The following DACH1 variants were observed in gnomAD, a reference collection of about 807,000 sequenced individuals.
The protein encoded by DACH1 is dachshund homolog 1.
Under a neutral mutation model 54.2 loss-of-function variants are expected in DACH1, and 12 were observed. That is an observed-to-expected ratio of 0.22 (90% confidence interval 0.14 to 0.36). DACH1 has a LOEUF of 0.36. DACH1 is among the 10% of genes least tolerant of loss of function. The pLI, the probability that DACH1 is intolerant of heterozygous loss-of-function variation, is 1.00. For missense variants in DACH1, 805 were observed against 929.8 expected (o/e 0.87, Z 1.75); for synonymous variants, 386 against 366.2 (o/e 1.05, Z -0.62).
intron 2 of DACH1, among the ~76,000 whole-genome samples, chr13:71,644,149 C>A (rs2138605205): frequency 6.6e-6 from 1 of 152,232 alleles, no homozygotes; most frequent in Middle Eastern, 3.4e-3. Flanking sequence ...TGCACAAAGT[C>A]AACTGTAGTT....
At chr13:71,554,355 G>C (rs931903674) in intron 6 of DACH1, among the ~76,000 whole-genome samples, 2 of 151,892 alleles carry the variant, frequency 1.3e-5, no homozygotes, top group African/African-American at 2.4e-5. Flanking sequence ...ACATTTCTAG[G>C]GAGAATCTTA....
At position 71,779,282 on chromosome 13, in the gene DACH1, C is replaced by T. The variant is rs1002227487; in HGVS notation, c.848+86640G>A. Among the ~76,000 whole-genome samples the T allele has an allele frequency of 2.2e-4, 20 of 92,314 alleles. 1 individual carries two copies. The highest frequency in any genetic ancestry group is 6.0e-4 in the Admixed American group (6 of 9,970). The allele number at this position is 92,314 out of a possible 152,430, so 60.6% of individuals were successfully genotyped here. A position where few individuals can be genotyped will look rare whatever the true frequency, so the allele number is the denominator to read the frequency against. ...ATATATGTGTATATATACGTATATA[C>T]GTATATATACACATATATATATTTA... On this transcript the variant is annotated intron_variant, in intron 1 of 10. Coordinates refer to ENST00000613252, the MANE Select transcript of DACH1 (RefSeq NM_080759.6).
intron 2 of DACH1, among the ~76,000 whole-genome samples, chr13:71,641,970 TC>T (rs1877938771): frequency 2.0e-5 from 3 of 152,326 alleles, no homozygotes; most frequent in Non-Finnish European, 4.4e-5. Context: ...TATTCACTTC[TC>T]TTTTTGCTGC....
chr13:71,543,368 T>C (rs1883257623), intron 6 of DACH1, among the ~76,000 whole-genome samples: 1 of 152,048 alleles, frequency 6.6e-6, no homozygotes, highest in Admixed American at 6.6e-5. Context: ...AAGGATGATA[T>C]GAACTGAAAA....
chr13:71,866,330 C>A lies in DACH1; in HGVS notation c.440G>T (p.Ser147Ile). 2 of 1,539,092 alleles carry A rather than the reference C, an allele frequency of 1.3e-6. No individual in the cohort carries two copies. The highest frequency in any genetic ancestry group is 1.8e-6 in the Non-Finnish European group (2 of 1,142,356). ...STGSSSSSSS[S>I]SSSSSSSSSS... is the part of the protein sequence containing the mutation. ...GCTACTACTGCTGCTGCTGCTGCTG[C>A]TGCTACTGCTGCTGCTGCTGCTGCC... is the stretch of plus-strand genomic sequence containing the variant. Residue 147 changes from serine (S) to isoleucine (I), a missense_variant, in exon 1 of 11, where the codon AGC becomes ATC. Around this residue, in one of 3 missense-constraint regions of DACH1, gnomAD observed 305 missense variants for 308.7 expected, o/e 0.99. Coordinates refer to ENST00000613252, the MANE Select transcript of DACH1 (RefSeq NM_080759.6).
intron 2 of DACH1, among the ~76,000 whole-genome samples, chr13:71,681,458 G>A (rs1451194622): frequency 6.6e-6 from 1 of 152,162 alleles, no homozygotes; most frequent in African/African-American, 2.4e-5. Flanking sequence ...ACCACTGACA[G>A]CTACAGCTGA....
chr13:71,783,320 A>G (rs1886459977), intron 1 of DACH1, among the ~76,000 whole-genome samples: 1 of 152,168 alleles, frequency 6.6e-6, no homozygotes, highest in African/African-American at 2.4e-5. Flanking sequence ...CTCATTCTGA[A>G]CATAAACTTA....
At chr13:71,545,430 T>G (rs1203629347) in intron 6 of DACH1, among the ~76,000 whole-genome samples, 1 of 151,958 alleles carries the variant, frequency 6.6e-6, no homozygotes, top group Non-Finnish European at 1.5e-5. Context: ...ATAAAAGCAT[T>G]ATATACTTAT....
chr13:71,828,706 T>C (rs1177517504), intron 1 of DACH1, among the ~76,000 whole-genome samples: 1 of 151,926 alleles, frequency 6.6e-6, no homozygotes, highest in Non-Finnish European at 1.5e-5. Flanking sequence ...TTTGTCTTCA[T>C]TACATGGTGC....
chr13:71,853,427 C>T (rs183963217), intron 1 of DACH1, among the ~76,000 whole-genome samples: 2 of 152,236 alleles, frequency 1.3e-5, no homozygotes, highest in East Asian at 3.9e-4. Context: ...TATTAATGTA[C>T]ATTAACCAAT....
intron 2 of DACH1, among the ~76,000 whole-genome samples, chr13:71,663,641 A>G (rs150644121): frequency 6.6e-6 from 1 of 152,088 alleles, no homozygotes; most frequent in African/African-American, 2.4e-5. Flanking sequence ...AAGGTTAATC[A>G]ACCTTACAGG....
intron 6 of DACH1, among the ~76,000 whole-genome samples, chr13:71,538,535 G>A (rs893555221): frequency 2.0e-5 from 3 of 151,980 alleles, no homozygotes; most frequent in East Asian, 1.9e-4. Context: ...TGTGAACTTC[G>A]AAGGGAAACA....
intron 1 of DACH1, among the ~76,000 whole-genome samples, chr13:71,755,286 G>T (rs967769275): frequency 6.6e-6 from 1 of 152,158 alleles, no homozygotes; most frequent in African/African-American, 2.4e-5. Flanking sequence ...GGATATTAAA[G>T]CTGCAATACA....
chr13:71,842,500 C>G (rs994324473), intron 1 of DACH1, among the ~76,000 whole-genome samples: 2 of 152,046 alleles, frequency 1.3e-5, no homozygotes, highest in Non-Finnish European at 2.9e-5. Context: ...ATCACCTGAG[C>G]CCCAGAAGTT....
chr13:71,591,251 T>C (rs1006840982), intron 3 of DACH1, among the ~76,000 whole-genome samples: 1 of 152,044 alleles, frequency 6.6e-6, no homozygotes, highest in Non-Finnish European at 1.5e-5. Context: ...TAAGCAATTT[T>C]AAAGAAAACT....
At chr13:71,784,164 C>T (rs183022435) in intron 1 of DACH1, among the ~76,000 whole-genome samples, 11 of 151,948 alleles carry the variant, frequency 7.2e-5, no homozygotes, top group East Asian at 5.8e-4. Flanking sequence ...CTGAATAAAT[C>T]GATAATTTCA....
chr13:71,849,507 T>A (rs1054495410), intron 1 of DACH1, among the ~76,000 whole-genome samples: 6 of 152,206 alleles, frequency 3.9e-5, no homozygotes, highest in Non-Finnish European at 7.3e-5. Flanking sequence ...TCAATGTGAT[T>A]TATTAGCTAA....
At chr13:71,816,577 TACAC>T (rs1887933710) in intron 1 of DACH1, among the ~76,000 whole-genome samples, 1 of 141,346 alleles carries the variant, frequency 7.1e-6, no homozygotes, top group African/African-American at 2.7e-5. Flanking sequence ...TGTATATATA[TACAC>T]GTATATATAT....
intron 1 of DACH1, among the ~76,000 whole-genome samples, chr13:71,860,697 G>A (rs1426351698): frequency 6.6e-6 from 1 of 151,888 alleles, no homozygotes; most frequent in Non-Finnish European, 1.5e-5. Context: ...ATATTTTGCA[G>A]TAGTTGTTTT....
Sources: gnomAD v4.1 joint callset for allele counts (sites outside exome capture counted in the v4.1 genomes callset) on GRCh38, gnomAD v4.1.1 for gene constraint, gnomAD v4.1.1 regional missense constraint, MANE v1.5 for transcripts, NCBI Gene and HGNC (gene_info 2026-07-23, HGNC 2026-07-21) for gene names.